COL23A1: variants seen among roughly 807,000 people sequenced by gnomAD.
The protein encoded by COL23A1 is collagen alpha-1(XXIII) chain.
A neutral mutation model predicts 99.3 loss-of-function variants in COL23A1; 97 were observed. The ratio of observed to expected loss-of-function variants is 0.98; its 90% CI spans 0.83 to 1.16. The LOEUF (loss-of-function observed/expected upper bound fraction) is 1.16. COL23A1 is among the 50% of genes most tolerant of loss of function. COL23A1 has a pLI of 0.00. For missense variants in COL23A1, 762 were observed against 757.4 expected, an observed-to-expected ratio of 1.01 and a Z score of -0.07; for synonymous variants, 320 against 308.2, an observed-to-expected ratio of 1.04 and a Z score of -0.40.
intron 2 of COL23A1, among the ~76,000 whole-genome samples, chr5:178,315,640 G>A (rs1338100601): frequency 6.6e-6 from 1 of 152,164 alleles, no homozygotes; most frequent in Non-Finnish European, 1.5e-5. Flanking sequence ...GGCACGGGAA[G>A]GGGACAAGGG....
Position 178,366,248 on chromosome 5 carries a change from C to T in COL23A1, c.362-59329G>A, listed in dbSNP as rs1231026866. On this transcript the variant is annotated intron_variant, in intron 2 of 28. Transcript: ENST00000390654. This position sits in a 1 kb window ranked among gnomAD's most constrained non-coding sequence, Gnocchi z 4.4. ...GCTGAAGGGCCTGCTCCCAGCCCAG[C>T]TTGGCTGTCCAGTGGGGAGGGGCAC... 6.6e-6 allele frequency among the ~76,000 whole-genome samples: 1 copy of T among 152,222 alleles called. No individual in the cohort carries two copies. The highest frequency in any genetic ancestry group is 2.1e-4 in the South Asian group (1 of 4,832).
At chr5:178,562,783 C>CTGCTGATTGGTCCACTTTACAGAG (rs1413121275) in intron 1 of COL23A1, 2 of 150,378 alleles carry the variant, frequency 1.3e-5, no homozygotes, top group African/African-American at 5.0e-5. Context: ...CGCCCATGTC[C>CTGCTGATTGGTCCACTTTACAGAG]TGCTGATTGG....
At chr5:178,274,509 T>C (rs1756471539) in intron 5 of COL23A1, among the ~76,000 whole-genome samples, 1 of 150,544 alleles carries the variant, frequency 6.6e-6, no homozygotes, top group African/African-American at 2.5e-5. Flanking sequence ...TCTGAGCAGC[T>C]GGGCGGTCTG....
intron 2 of COL23A1, among the ~76,000 whole-genome samples, chr5:178,343,931 G>A (rs1760817502): frequency 6.6e-6 from 1 of 152,104 alleles, no homozygotes; most frequent in African/African-American, 2.4e-5. Context: ...AAAGTGCTGG[G>A]ATTACAGGCG....
intron 5 of COL23A1, among the ~76,000 whole-genome samples, chr5:178,277,106 C>T (rs552628974): frequency 1.3e-5 from 2 of 152,184 alleles, no homozygotes; most frequent in African/African-American, 4.8e-5. Context: ...CGGCTCATGC[C>T]CGTAATCCCA....
At chr5:178,355,536 G>A (rs35739984) in intron 2 of COL23A1, among the ~76,000 whole-genome samples, 21,342 of 152,148 alleles carry the variant, frequency 0.14, 1,669 homozygotes, top group Middle Eastern at 0.27. Context: ...AAAGAGGTTT[G>A]TTTTTATTTT....
intron 5 of COL23A1, among the ~76,000 whole-genome samples, chr5:178,282,097 G>A (rs1209513952): frequency 1.4e-5 from 2 of 146,800 alleles, no homozygotes; most frequent in East Asian, 3.9e-4. Context: ...TGCCCAGGCT[G>A]AGCATGCCCT....
chr5:178,301,321 A>G (rs928116300), intron 3 of COL23A1, among the ~76,000 whole-genome samples: 4 of 152,216 alleles, frequency 2.6e-5, no homozygotes, highest in South Asian at 4.1e-4. Context: ...CTCCATTTAG[A>G]GGGACATGAT....
At chr5:178,278,787 G>A (rs1462218755) in intron 5 of COL23A1, among the ~76,000 whole-genome samples, 3 of 152,328 alleles carry the variant, frequency 2.0e-5, no homozygotes, top group Admixed American at 6.5e-5. Flanking sequence ...TCCCTGGAGC[G>A]CGTTTCCTCC....
chr5:178,523,373 G>A (rs1760121897), intron 2 of COL23A1: 1 of 141,458 alleles, frequency 7.1e-6, no homozygotes, highest in Admixed American at 7.3e-5. Context: ...GTTGCAGTGA[G>A]CTGAGACTGC....
At chr5:178,508,097 T>C (rs1425806989) in intron 2 of COL23A1, among the ~76,000 whole-genome samples, 1 of 152,168 alleles carries the variant, frequency 6.6e-6, no homozygotes, top group Non-Finnish European at 1.5e-5. Flanking sequence ...TATCCTATCT[T>C]CCAGTTTACT....
At position 178,281,744 on chromosome 5, in the gene COL23A1, A is replaced by AT. The variant is rs1411134674; in HGVS notation, c.441+6579dup. On this transcript the variant is annotated intron_variant, in intron 5 of 28. Transcript: ENST00000390654. The surrounding 1 kb of genome is among the most constrained non-coding windows in gnomAD (Gnocchi z 4.0). ...AATTAATTGATTGATTTAAAATTTT[A>AT]TTTTTTAAAACAGACGGGGATTCGG... Among the ~76,000 whole-genome samples, 1 of 152,004 alleles carries AT rather than the reference A, an allele frequency of 6.6e-6. No individual in the cohort carries two copies. Among genetic ancestry groups the AT allele is most frequent in the Non-Finnish European group, 1.5e-5 (1 of 67,990 alleles).
intron 2 of COL23A1, among the ~76,000 whole-genome samples, chr5:178,403,195 C>T (rs188356878): frequency 2.0e-4 from 30 of 151,768 alleles, no homozygotes; most frequent in East Asian, 5.8e-4. Context: ...TGTTACTGCA[C>T]GCCAGATGTG....
intron 3 of COL23A1, among the ~76,000 whole-genome samples, chr5:178,300,951 A>G (rs965824298): frequency 2.0e-5 from 3 of 152,026 alleles, no homozygotes; most frequent in African/African-American, 7.3e-5. Flanking sequence ...GAGTTTGTTG[A>G]GCTTCTTAGA....
chr5:178,499,889 T>C (rs1443136703), intron 2 of COL23A1, among the ~76,000 whole-genome samples: 1 of 152,194 alleles, frequency 6.6e-6, no homozygotes, highest in African/African-American at 2.4e-5. Flanking sequence ...AACAAATTAT[T>C]TATAAATGCT....
chr5:178,303,917 G>C (rs545380021), intron 3 of COL23A1, among the ~76,000 whole-genome samples: 1 of 152,312 alleles, frequency 6.6e-6, no homozygotes, highest in South Asian at 2.1e-4. Context: ...GGAGAGTGAT[G>C]GACACTCTTG....
At chr5:178,507,025 G>A (rs1298987642) in intron 2 of COL23A1, among the ~76,000 whole-genome samples, 1 of 152,168 alleles carries the variant, frequency 6.6e-6, no homozygotes, top group Non-Finnish European at 1.5e-5. Context: ...TTGCAGCGTT[G>A]CAAAGCCAGC....
At chr5:178,562,729 C>CTGGTGG (rs201027967) in intron 1 of COL23A1, 4 of 97,840 alleles carry the variant, frequency 4.1e-5, no homozygotes, top group African/African-American at 2.8e-4. Flanking sequence ...CTGCCGCTGG[C>CTGGTGG]TGGTGGTGGG....
chr5:178,252,680 C>A, intron 16 of COL23A1, 83 bp from the exon 17 acceptor site: 2 of 1,164,712 alleles, frequency 1.7e-6, no homozygotes, highest in Non-Finnish European at 2.5e-6. Context: ...CACCTGGAAT[C>A]AAGTCCCCGT....
Sources: gnomAD v4.1 joint callset for allele counts (sites outside exome capture counted in the v4.1 genomes callset) on GRCh38, gnomAD v4.1.1 for gene constraint, Gnocchi (gnomAD v3.1) non-coding constraint, MANE v1.5 for transcripts, NCBI Gene and HGNC (gene_info 2026-07-23, HGNC 2026-07-21) for gene names.